The following RUNX1 variants were observed in gnomAD, a reference collection of about 807,000 sequenced individuals.
The protein encoded by RUNX1 is RUNX family transcription factor 1.
Under a neutral mutation model 42.8 loss-of-function variants are expected in RUNX1, and 19 were observed. The observed-to-expected ratio is 0.44, with a 90% CI of 0.31 to 0.65. The LOEUF is 0.65. RUNX1 is among the 30% of genes least tolerant of loss of function. The probability of loss-of-function intolerance (pLI) is 0.07; values close to 1 mark genes in which losing one functional copy is unlikely to be tolerated. For synonymous variants in RUNX1, 271 were observed against 289.4 expected (o/e 0.94, Z 0.64); for missense variants, 528 against 672.0 (o/e 0.79, Z 2.37).
chr21:34,993,135 T>C (rs1344268989), intron 2 of RUNX1, among the ~76,000 whole-genome samples: 2 of 152,240 alleles, frequency 1.3e-5, no homozygotes, highest in Non-Finnish European at 1.5e-5. Context: ...GCTCTACTTC[T>C]AGGGTGACTG....
At chr21:34,945,261 T>C (rs1256410689) in intron 2 of RUNX1, among the ~76,000 whole-genome samples, 1 of 152,196 alleles carries the variant, frequency 6.6e-6, no homozygotes, top group Non-Finnish European at 1.5e-5. Context: ...TCCTAGAATT[T>C]TTCTTTTTCA....
intron 2 of RUNX1, among the ~76,000 whole-genome samples, chr21:35,033,749 T>G (rs1167190417): frequency 6.6e-6 from 1 of 152,198 alleles, no homozygotes; most frequent in East Asian, 1.9e-4. Flanking sequence ...TATCTATAGG[T>G]CCTTGAAATC....
chr21:34,848,688 G>A lies in RUNX1; in HGVS notation c.613+10786C>T, dbSNP rs112391790. 2.3e-3 allele frequency among the ~76,000 whole-genome samples: 355 copies of A among 152,270 alleles called. 2 individuals carry two copies. Among genetic ancestry groups the A allele is most frequent in the African/African-American group, 8.1e-3 (335 of 41,560 alleles). The stretch of plus-strand genomic sequence containing the variant: ...GACCTCAGGTAATCGGCCCACCTCG[G>A]GCTTCCAAAGTGCTGGGATTACAGG... On this transcript the variant is annotated intron_variant, in intron 6 of 8. Coordinates refer to ENST00000675419, the MANE Select transcript of RUNX1 (RefSeq NM_001754.5).
intron 2 of RUNX1, among the ~76,000 whole-genome samples, chr21:35,022,245 G>A (rs922199870): frequency 1.3e-5 from 2 of 152,190 alleles, no homozygotes; most frequent in South Asian, 2.1e-4. Flanking sequence ...GGGTGGAAGC[G>A]TCTGCACCAG....
intron 5 of RUNX1, among the ~76,000 whole-genome samples, chr21:34,860,485 TAA>T (rs1170793796): frequency 6.6e-6 from 1 of 152,070 alleles, no homozygotes; most frequent in Non-Finnish European, 1.5e-5. Context: ...GTAACCCTGT[TAA>T]AACAGTTATC....
intron 3 of RUNX1, chr21:34,888,736 C>T: frequency 2.0e-6 from 2 of 1,002,116 alleles, no homozygotes; most frequent in Non-Finnish European, 2.4e-6. Context: ...TAAGCCCGGC[C>T]GGAGGAATTC....
In RUNX1 at chr21:34,892,951, C is replaced by G. The variant is rs2146454339; in HGVS notation, c.71G>C (p.Gly24Ala). Residue 24 changes from glycine to alanine, a missense_variant, in exon 3 of 9, where the codon GGA (glycine) becomes GCA (alanine). Coordinates refer to ENST00000675419, the MANE Select transcript of RUNX1 (RefSeq NM_001754.5). ...GTGGACGTCTCTAGAAGGATTCATTCCAAGTATGCATTCTGAAATAACAGA... is the reference window on the plus strand; with the variant it reads ...GTGGACGTCTCTAGAAGGATTCATTGCAAGTATGCATTCTGAAATAACAGA... ...PQCFMRECIL[G>A]MNPSRDVHDA... 14 of 1,578,942 alleles carry G rather than the reference C, an allele frequency of 8.9e-6. No individual in the cohort carries two copies. Among genetic ancestry groups the G allele is most frequent in the Non-Finnish European group, 1.2e-5 (14 of 1,148,954 alleles).
At chr21:34,821,622 CTA>C in intron 7 of RUNX1, 1 of 1,556,564 alleles carries the variant, frequency 6.4e-7, no homozygotes, top group South Asian at 1.2e-5. Context: ...AAAGATAGCT[CTA>C]TCCTGGCTGG....
intron 2 of RUNX1, among the ~76,000 whole-genome samples, chr21:34,963,459 C>G (rs1397172809): frequency 6.6e-6 from 1 of 152,232 alleles, no homozygotes; most frequent in African/African-American, 2.4e-5. Context: ...TGGCCACTGA[C>G]TGAGCAGCTC....
At chr21:35,046,352 T>G (rs541474172) in intron 2 of RUNX1, among the ~76,000 whole-genome samples, 18 of 152,332 alleles carry the variant, frequency 1.2e-4, no homozygotes, top group Non-Finnish European at 2.2e-4. Context: ...TGGCTAAAAA[T>G]GAGTTACAGG....
intron 2 of RUNX1, among the ~76,000 whole-genome samples, chr21:34,896,036 C>A (rs905009859): frequency 5.9e-5 from 9 of 151,756 alleles, no homozygotes; most frequent in African/African-American, 1.5e-4. Flanking sequence ...CAGCATCTGT[C>A]CTTTAATAGT....
chr21:34,799,707 A>G (rs2056581960), intron 7 of RUNX1, among the ~76,000 whole-genome samples: 2 of 152,192 alleles, frequency 1.3e-5, no homozygotes, highest in African/African-American at 4.8e-5. Context: ...TTATTTAATC[A>G]TGCTAACAAT....
intron 2 of RUNX1, among the ~76,000 whole-genome samples, chr21:35,031,841 T>C (rs997538495): frequency 2.0e-5 from 3 of 152,230 alleles, no homozygotes; most frequent in Non-Finnish European, 4.4e-5. Flanking sequence ...AGACTGTACA[T>C]TAAAGGTACC....
intron 3 of RUNX1, among the ~76,000 whole-genome samples, chr21:34,892,396 C>T (rs2058090303): frequency 6.6e-6 from 1 of 152,180 alleles, no homozygotes; most frequent in Non-Finnish European, 1.5e-5. Context: ...CTTAGTTCTT[C>T]CATTACATCC....
chr21:34,916,547 G>A (rs1468362735), intron 2 of RUNX1, among the ~76,000 whole-genome samples: 6 of 152,186 alleles, frequency 3.9e-5, no homozygotes, highest in Non-Finnish European at 5.9e-5. Flanking sequence ...GCACAGGAAG[G>A]GGGAGAAATG....
intron 3 of RUNX1, chr21:34,888,531 G>A (rs1384342399): frequency 5.8e-5 from 62 of 1,065,042 alleles, no homozygotes; most frequent in Non-Finnish European, 7.1e-5. Context: ...AAAAAGGAAG[G>A]TCCAACGCAG....
At chr21:34,884,790 T>A (rs533792189) in intron 4 of RUNX1, among the ~76,000 whole-genome samples, 2 of 152,366 alleles carry the variant, frequency 1.3e-5, no homozygotes, top group Non-Finnish European at 2.9e-5. Flanking sequence ...TTCTCTGCTA[T>A]CCTTTCCTTT....
intron 2 of RUNX1, 76 bp downstream of exon 2, chr21:35,048,766 G>A (rs773359457): frequency 6.7e-4 from 835 of 1,243,000 alleles, no homozygotes; most frequent in Admixed American, 1.1e-3. Flanking sequence ...TCTCTGCACC[G>A]AGGTGAAACA....
chr21:34,865,293 T>C (rs890888592), intron 5 of RUNX1, among the ~76,000 whole-genome samples: 4 of 141,148 alleles, frequency 2.8e-5, no homozygotes, highest in African/African-American at 3.0e-5. Flanking sequence ...TGTGTGTGTG[T>C]GTGTGTGTGT....
Sources: allele counts gnomAD v4.1 joint callset (sites outside exome capture counted in the v4.1 genomes callset), GRCh38; gene constraint gnomAD v4.1.1; transcripts MANE v1.5; gene names NCBI Gene and HGNC (gene_info 2026-07-23, HGNC 2026-07-21).